SGCZ: variants seen among roughly 807,000 people sequenced by gnomAD.
SGCZ encodes sarcoglycan zeta, also known as zeta-sarcoglycan.
A neutral mutation model predicts 41.3 loss-of-function variants in SGCZ; 40 were observed. That is an observed-to-expected ratio of 0.97 (90% CI 0.75 to 1.26). The LOEUF (loss-of-function observed/expected upper bound fraction) is 1.26. SGCZ is among the 50% of genes most tolerant of loss of function. SGCZ has a pLI of 0.00. For synonymous variants in SGCZ, 206 were observed against 137.5 expected (o/e 1.50, Z -3.49); for missense variants, 552 against 369.8 (o/e 1.49, Z -4.04).
intron 1 of SGCZ, among the ~76,000 whole-genome samples, chr8:14,846,683 T>C (rs761381908): frequency 2.4e-5 from 3 of 123,472 alleles, no homozygotes; most frequent in Non-Finnish European, 5.1e-5. Flanking sequence ...AATGAATTTG[T>C]AGCTAAAACC....
intron 2 of SGCZ, among the ~76,000 whole-genome samples, chr8:14,512,652 G>C (rs1432634691): frequency 6.6e-6 from 1 of 151,630 alleles, no homozygotes; most frequent in Non-Finnish European, 1.5e-5. Flanking sequence ...ATTTTGTGGA[G>C]ACTTGGTCCC....
chr8:14,824,138 C>A (rs1259135342), intron 1 of SGCZ, among the ~76,000 whole-genome samples: 1 of 151,978 alleles, frequency 6.6e-6, no homozygotes, highest in Non-Finnish European at 1.5e-5. Flanking sequence ...TCGAGAGAAA[C>A]AGACTTACAA....
chr8:14,140,461 C>T (rs1481498045), intron 5 of SGCZ, among the ~76,000 whole-genome samples: 2 of 152,158 alleles, frequency 1.3e-5, no homozygotes, highest in Admixed American at 6.5e-5. Flanking sequence ...TGATAAGCAA[C>T]TTCAGCAAAG....
intron 1 of SGCZ, among the ~76,000 whole-genome samples, chr8:14,671,655 G>C (rs1808106194): frequency 6.6e-6 from 1 of 152,010 alleles, no homozygotes; most frequent in South Asian, 2.1e-4. Flanking sequence ...CTAAGCCTGA[G>C]ACATTTATAT....
At chr8:14,286,727 A>C (rs1243269505) in intron 3 of SGCZ, among the ~76,000 whole-genome samples, 2 of 152,252 alleles carry the variant, frequency 1.3e-5, no homozygotes, top group African/African-American at 4.8e-5. Context: ...TAAATTATTC[A>C]CTGTATTCTT....
At chr8:14,255,878 T>C (rs1176327366) in intron 3 of SGCZ, among the ~76,000 whole-genome samples, 1 of 152,144 alleles carries the variant, frequency 6.6e-6, no homozygotes. Context: ...TGATTTATCT[T>C]CATTATATTT....
At position 14,332,738 on chromosome 8, in the gene SGCZ, T is replaced by C. The variant is rs1338128489; in HGVS notation, c.235-8534A>G. 22 of 151,508 alleles carry C rather than the reference T, an allele frequency of 1.5e-4. 1 individual carries two copies. The highest frequency in any genetic ancestry group is 1.4e-3 in the Admixed American group (22 of 15,194). 9.4% of individuals were successfully genotyped at this position (151,508 alleles called of 1,614,324 possible). On this transcript the variant is annotated intron_variant, in intron 2 of 7. Transcript: ENST00000382080. Reference sequence around the variant, plus strand: ...AGTATTCAGTAACTTGATATATAAATGGTAAAATCATAACATTTAATTATA... The same window carrying C: ...AGTATTCAGTAACTTGATATATAAACGGTAAAATCATAACATTTAATTATA...
intron 3 of SGCZ, among the ~76,000 whole-genome samples, chr8:14,269,410 T>A (rs147539888): frequency 9.9e-5 from 15 of 152,142 alleles, no homozygotes; most frequent in African/African-American, 3.6e-4. Flanking sequence ...AGAGACAGGA[T>A]CATATCCATT....
chr8:15,180,040 A>C (rs1339015281), intron 1 of SGCZ, among the ~76,000 whole-genome samples: 1 of 152,204 alleles, frequency 6.6e-6, no homozygotes, highest in African/African-American at 2.4e-5. Flanking sequence ...GTTATAAAAA[A>C]AATTAAAAGT....
chr8:14,691,169 T>C (rs1194978590), intron 1 of SGCZ, among the ~76,000 whole-genome samples: 1 of 152,208 alleles, frequency 6.6e-6, no homozygotes, highest in Admixed American at 6.5e-5. Context: ...CAATGATGAA[T>C]GAAGTCTATC....
At chr8:14,645,509 A>G (rs1807184922) in intron 1 of SGCZ, among the ~76,000 whole-genome samples, 1 of 115,250 alleles carries the variant, frequency 8.7e-6, no homozygotes, top group Non-Finnish European at 1.8e-5. Context: ...TATGGCACAT[A>G]TATGCAATAA....
chr8:14,583,195 G>A (rs983831177), intron 1 of SGCZ, among the ~76,000 whole-genome samples: 4 of 150,114 alleles, frequency 2.7e-5, no homozygotes, highest in Admixed American at 6.6e-5. Flanking sequence ...TTTAATGATC[G>A]CCATTCTAAC....
chr8:14,272,632 T>C (rs997933634), intron 3 of SGCZ, among the ~76,000 whole-genome samples: 1 of 152,164 alleles, frequency 6.6e-6, no homozygotes, highest in African/African-American at 2.4e-5. Flanking sequence ...CTTTCAAACT[T>C]AAACGTGTCC....
intron 2 of SGCZ, among the ~76,000 whole-genome samples, chr8:14,351,267 A>G (rs1803080864): frequency 6.6e-6 from 1 of 152,116 alleles, no homozygotes; most frequent in Non-Finnish European, 1.5e-5. Context: ...TAAATTGATT[A>G]ATTTTACCTC....
At chr8:14,414,611 T>C (rs1799447052) in intron 2 of SGCZ, among the ~76,000 whole-genome samples, 1 of 152,064 alleles carries the variant, frequency 6.6e-6, no homozygotes, top group East Asian at 1.9e-4. Context: ...GCTGAGAAAA[T>C]GTGTGATATG....
intron 4 of SGCZ, among the ~76,000 whole-genome samples, chr8:14,186,117 T>G (rs1396145664): frequency 6.6e-6 from 1 of 152,212 alleles, no homozygotes; most frequent in African/African-American, 2.4e-5. Context: ...AGCGCTCTAC[T>G]ACTAGAGTTC....
chr8:14,314,047 T>A (rs1421853365), intron 3 of SGCZ, among the ~76,000 whole-genome samples: 1 of 152,098 alleles, frequency 6.6e-6, no homozygotes, highest in Non-Finnish European at 1.5e-5. Flanking sequence ...GATCTTCATT[T>A]TTTTGTAAGG....
At chr8:14,540,592 T>C (rs1803435725) in intron 2 of SGCZ, among the ~76,000 whole-genome samples, 1 of 151,956 alleles carries the variant, frequency 6.6e-6, no homozygotes, top group South Asian at 2.1e-4. Flanking sequence ...AAAATAGCTA[T>C]ATTTTAGTGT....
chr8:14,309,997 C>T (rs1801478504), intron 3 of SGCZ, among the ~76,000 whole-genome samples: 1 of 151,912 alleles, frequency 6.6e-6, no homozygotes, highest in Non-Finnish European at 1.5e-5. Flanking sequence ...TTTACCCATC[C>T]ACAATAGTCA....
Sources: allele counts gnomAD v4.1 joint callset (sites outside exome capture counted in the v4.1 genomes callset), GRCh38; gene constraint gnomAD v4.1.1; transcripts MANE v1.5; gene names NCBI Gene and HGNC (gene_info 2026-07-23, HGNC 2026-07-21).